Variants in BEND5 observed in about 807,000 individuals in gnomAD.
The protein encoded by BEND5 is BEN domain containing 5.
In BEND5, 22 loss-of-function variants were observed where a neutral mutation model predicts 43.9. The ratio of observed to expected loss-of-function variants is 0.50; its 90% confidence interval spans 0.36 to 0.72. The LOEUF (loss-of-function observed/expected upper bound fraction) is 0.72, where lower values mean the gene tolerates loss of function less well. Among genes scored for constraint, BEND5 ranks in the 30% least tolerant of loss-of-function variants. The pLI, the probability that BEND5 is intolerant of heterozygous loss-of-function variation, is 0.00. For synonymous variants in BEND5, 228 were observed against 225.9 expected (o/e 1.01, Z -0.08); for missense variants, 428 against 550.6 (o/e 0.78, Z 2.23).
chr1:48,751,957 C>CA (rs1436613084), intron 3 of BEND5, among the ~76,000 whole-genome samples: 2 of 151,996 alleles, frequency 1.3e-5, no homozygotes, highest in Non-Finnish European at 2.9e-5. Flanking sequence ...GGCAACAGTT[C>CA]AAAAAAAGTC....
intron 5 of BEND5, among the ~76,000 whole-genome samples, chr1:48,735,056 A>C (rs1056050053): frequency 6.6e-6 from 1 of 152,228 alleles, no homozygotes; most frequent in Non-Finnish European, 1.5e-5. Flanking sequence ...TCCGTAAAAT[A>C]GGAATTATAA....
chr1:48,776,869 G>T lies in BEND5; in HGVS notation c.-38C>A. 2 of 1,385,950 alleles carry T rather than the reference G, an allele frequency of 1.4e-6. No individual in the cohort carries two copies. The highest frequency in any genetic ancestry group is 1.9e-6 in the Non-Finnish European group (2 of 1,051,376). 85.9% of individuals were successfully genotyped at this position (1,385,950 alleles called of 1,614,324 possible). A position where few individuals can be genotyped will look rare whatever the true frequency, so the allele number is the denominator to read the frequency against. On this transcript the variant is annotated 5_prime_UTR_variant, in exon 1 of 6. In the 5' UTR this introduces an upstream ATG that the reference lacks. Transcript: ENST00000371833. Reference sequence around the variant, plus strand: ...GGGCGGGCCCCGGTCGGGCAGCTCAGCCCGCGGGGCGGGCGCGGAGGTGGG... The same window carrying T: ...GGGCGGGCCCCGGTCGGGCAGCTCATCCCGCGGGGCGGGCGCGGAGGTGGG...
At chr1:48,771,922 C>T (rs11205538) in intron 1 of BEND5, among the ~76,000 whole-genome samples, 105,549 of 152,146 alleles carry the variant, frequency 0.69, 37,117 homozygotes, top group African/African-American at 0.75. Context: ...ATGTTGACTT[C>T]TTCCAGATGA....
At chr1:48,771,915 T>C (rs1222804873) in intron 1 of BEND5, among the ~76,000 whole-genome samples, 2 of 152,238 alleles carry the variant, frequency 1.3e-5, no homozygotes, top group African/African-American at 4.8e-5. Context: ...ATAAAGAATG[T>C]TGACTTCTTC....
chr1:48,730,302 T>G (rs565772695), intron 5 of BEND5, among the ~76,000 whole-genome samples: 1 of 152,178 alleles, frequency 6.6e-6, no homozygotes, highest in African/African-American at 2.4e-5. Context: ...CAAACTGTGA[T>G]GAGAACTGCT....
intron 3 of BEND5, among the ~76,000 whole-genome samples, chr1:48,756,079 T>G (rs542145409): frequency 1.1e-4 from 16 of 152,302 alleles, no homozygotes; most frequent in African/African-American, 3.1e-4. Context: ...TAATCAAGCA[T>G]TAACAGAATG....
At chr1:48,757,061 C>T (rs531464177) in intron 3 of BEND5, among the ~76,000 whole-genome samples, 1 of 152,216 alleles carries the variant, frequency 6.6e-6, no homozygotes, top group African/African-American at 2.4e-5. Context: ...GTCTTACCAC[C>T]CCAGAGGCTT....
At chr1:48,762,213 G>C (rs550395139) in intron 1 of BEND5, among the ~76,000 whole-genome samples, 2 of 152,308 alleles carry the variant, frequency 1.3e-5, no homozygotes, top group African/African-American at 4.8e-5. Flanking sequence ...CACTGCTTAC[G>C]TGTGCTCACG....
intron 2 of BEND5, 79 bp from the exon 3 acceptor site, chr1:48,759,363 A>G: frequency 4.0e-6 from 6 of 1,485,838 alleles, no homozygotes; most frequent in Non-Finnish European, 5.4e-6. Flanking sequence ...TTCCCCAGAC[A>G]ATCCTAAAAT....
chr1:48,766,407 T>C (rs1644533700), intron 1 of BEND5, among the ~76,000 whole-genome samples: 1 of 152,190 alleles, frequency 6.6e-6, no homozygotes, highest in Non-Finnish European at 1.5e-5. Flanking sequence ...ACAGCTACAG[T>C]TGAGGACATC....
Position 48,736,268 on chromosome 1 carries a change from A to T in BEND5, c.1079T>A (p.Leu360His), listed in dbSNP as rs1557922721. The change falls in exon 5 of 6, where the codon CTC becomes CAC. Residue 360 changes from leucine to histidine, a missense_variant. Leu to His is a moderately conservative substitution (Grantham distance 99). Transcript: ENST00000371833. This position sits in a 1 kb window ranked among gnomAD's most constrained non-coding sequence, Gnocchi z 4.0. Reference protein sequence around the residue: ...KKKDAVPKPPLSPHKLSIVRE... With the variant: ...KKKDAVPKPPHSPHKLSIVRE... The stretch of plus-strand genomic sequence containing the variant: ...GACGATGCTTAGTTTGTGAGGCGAG[A>T]GGGGTGGTTTAGGGACTGCATCTTT... 2 of 1,614,074 alleles carry T rather than the reference A, an allele frequency of 1.2e-6. No homozygotes were observed. Among genetic ancestry groups the T allele is most frequent in the Non-Finnish European group, 1.7e-6 (2 of 1,179,980 alleles).
intron 5 of BEND5, 77 bp from the exon 6 acceptor site, chr1:48,728,120 A>T (rs1225387130): frequency 1.5e-6 from 2 of 1,337,070 alleles, no homozygotes; most frequent in Non-Finnish European, 2.1e-6. Flanking sequence ...GTAAAAGAAA[A>T]TGTACCTCCC....
intron 3 of BEND5, among the ~76,000 whole-genome samples, chr1:48,758,486 T>C (rs1419622197): frequency 1.3e-5 from 2 of 152,208 alleles, no homozygotes; most frequent in Non-Finnish European, 2.9e-5. Flanking sequence ...TTGTCAGCAT[T>C]CTCCTTTGGC....
At chr1:48,770,847 C>A (rs974230754) in intron 1 of BEND5, among the ~76,000 whole-genome samples, 2 of 152,156 alleles carry the variant, frequency 1.3e-5, no homozygotes, top group African/African-American at 4.8e-5. Context: ...TATCTCAGGT[C>A]CACCATGACC....
chr1:48,759,663 G>A (rs138475470), intron 2 of BEND5, among the ~76,000 whole-genome samples: 2,583 of 152,322 alleles, frequency 0.017, 74 homozygotes, highest in African/African-American at 0.06. Context: ...TGTTCAATAT[G>A]TATTTGTGGA....
At chr1:48,731,089 A>T (rs1240436949) in intron 5 of BEND5, among the ~76,000 whole-genome samples, 3 of 152,218 alleles carry the variant, frequency 2.0e-5, no homozygotes, top group Admixed American at 2.0e-4. Flanking sequence ...CTATTTTTTT[A>T]TATGGCAAAT....
intron 3 of BEND5, among the ~76,000 whole-genome samples, chr1:48,754,448 C>G (rs976803249): frequency 6.6e-6 from 1 of 152,128 alleles, no homozygotes; most frequent in Non-Finnish European, 1.5e-5. Context: ...GATAACTGTT[C>G]ACTGAATAAA....
chr1:48,734,331 A>C (rs1648664237), intron 5 of BEND5, among the ~76,000 whole-genome samples: 1 of 152,072 alleles, frequency 6.6e-6, no homozygotes, highest in African/African-American at 2.4e-5. Context: ...ATGTCCTGCC[A>C]CCTTGAACTC....
intron 1 of BEND5, among the ~76,000 whole-genome samples, chr1:48,772,400 C>T (rs1644880525): frequency 1.3e-5 from 2 of 152,274 alleles, no homozygotes; most frequent in South Asian, 4.1e-4. Flanking sequence ...GTCTACCTTC[C>T]CCACCTGTAG....
Sources: allele counts gnomAD v4.1 joint callset (sites outside exome capture counted in the v4.1 genomes callset), GRCh38; gene constraint gnomAD v4.1.1; non-coding constraint Gnocchi (gnomAD v3.1); transcripts MANE v1.5; gene names NCBI Gene and HGNC (gene_info 2026-07-23, HGNC 2026-07-21).